The following HAT1 variants were observed in gnomAD, a reference collection of about 807,000 sequenced individuals.
HAT1 encodes the protein histone acetyltransferase 1, also known as histone acetyltransferase type B catalytic subunit.
Under a neutral mutation model 56.6 loss-of-function variants are expected in HAT1, and 20 were observed. The observed-to-expected ratio is 0.35, with a 90% confidence interval of 0.25 to 0.51. HAT1 has a LOEUF of 0.51. HAT1 is among the 20% of genes least tolerant of loss of function. The pLI is 0.95. For missense variants in HAT1, 408 were observed against 504.3 expected, an observed-to-expected ratio of 0.81 and a Z score of 1.83; for synonymous variants, 146 against 165.5, an observed-to-expected ratio of 0.88 and a Z score of 0.91.
intron 2 of HAT1, among the ~76,000 whole-genome samples, chr2:171,942,224 C>T (rs1026033673): frequency 6.6e-5 from 10 of 152,008 alleles, no homozygotes; most frequent in African/African-American, 2.2e-4. Context: ...GTTTTTAGTG[C>T]TTATTTTGAA....
intron 8 of HAT1, among the ~76,000 whole-genome samples, chr2:171,972,455 G>T (rs1379280978): frequency 1.3e-5 from 2 of 152,068 alleles, no homozygotes; most frequent in Non-Finnish European, 2.9e-5. Context: ...TGTAGAGATG[G>T]GGTCTCACTA....
At chr2:171,930,668 A>G (rs1236593164) in intron 2 of HAT1, among the ~76,000 whole-genome samples, 1 of 152,156 alleles carries the variant, frequency 6.6e-6, no homozygotes, top group Non-Finnish European at 1.5e-5. Flanking sequence ...AGGCTGGAGT[A>G]GAGTGGCGTG....
At chr2:171,968,412 C>T (rs1224894876) in intron 8 of HAT1, among the ~76,000 whole-genome samples, 1 of 152,070 alleles carries the variant, frequency 6.6e-6, no homozygotes, top group African/African-American at 2.4e-5. Flanking sequence ...GGGTAATGTG[C>T]CAGCAGGGGT....
chr2:171,940,131 C>T (rs1043443481), intron 2 of HAT1, among the ~76,000 whole-genome samples: 5 of 152,194 alleles, frequency 3.3e-5, no homozygotes, highest in South Asian at 2.1e-4. Flanking sequence ...GCAGCCACTT[C>T]GTCCATGCAT....
intron 2 of HAT1, among the ~76,000 whole-genome samples, chr2:171,932,800 T>C (rs1022496690): frequency 2.0e-5 from 3 of 151,978 alleles, no homozygotes; most frequent in African/African-American, 7.2e-5. Context: ...GCCGGAGAGG[T>C]GGAGGTTACA....
intron 1 of HAT1, chr2:171,922,898 G>C (rs1558958646): frequency 1.9e-5 from 4 of 205,218 alleles, no homozygotes; most frequent in South Asian, 1.9e-4. Context: ...TGATTTTAAT[G>C]CTCAGATCCT....
intron 2 of HAT1, among the ~76,000 whole-genome samples, chr2:171,938,260 A>G (rs1686927211): frequency 6.6e-6 from 1 of 152,080 alleles, no homozygotes; most frequent in Non-Finnish European, 1.5e-5. Context: ...CAGTAAATAT[A>G]TTCAAAAGGA....
intron 2 of HAT1, among the ~76,000 whole-genome samples, chr2:171,938,577 G>A (rs192671362): frequency 5.9e-4 from 90 of 152,256 alleles, no homozygotes; most frequent in South Asian, 1.4e-3. Flanking sequence ...CTTATGTCCA[G>A]TCTACTCTGT....
intron 2 of HAT1, among the ~76,000 whole-genome samples, chr2:171,928,803 C>G (rs373461568): frequency 3.3e-5 from 5 of 152,142 alleles, no homozygotes; most frequent in African/African-American, 1.2e-4. Flanking sequence ...CCACCGTGCC[C>G]GGCAGTTCAT....
At chr2:171,983,039 CAA>C (rs902277011) in intron 10 of HAT1, 144 bp from the exon 11 acceptor site, 2 of 502,916 alleles carry the variant, frequency 4.0e-6, no homozygotes, top group Non-Finnish European at 7.0e-6. Context: ...CCTTAAAAAA[CAA>C]AACAAAACAA....
chr2:171,942,623 T>C (rs1394598093), intron 2 of HAT1, among the ~76,000 whole-genome samples: 1 of 152,178 alleles, frequency 6.6e-6, no homozygotes, highest in Non-Finnish European at 1.5e-5. Flanking sequence ...ACCTGCCTTA[T>C]AAAGACTTGA....
chr2:171,945,664 T>G (rs755693830), intron 2 of HAT1, among the ~76,000 whole-genome samples: 3 of 151,630 alleles, frequency 2.0e-5, no homozygotes, highest in Non-Finnish European at 4.4e-5. Flanking sequence ...TAGCCAATTA[T>G]TTATTTATTT....
intron 4 of HAT1, among the ~76,000 whole-genome samples, chr2:171,953,527 G>A (rs1687363508): frequency 6.7e-6 from 1 of 149,284 alleles, no homozygotes; most frequent in African/African-American, 2.5e-5. Context: ...GGGAGGCTGA[G>A]GTGGGAGGAT....
rs868199035 is a variant in HAT1 at position 171,947,582 on chromosome 2, T to A, written c.188+799T>A. Among the ~76,000 whole-genome samples the A allele has an allele frequency of 5.3e-5, 8 of 152,256 alleles. 1 individual carries two copies. In the South Asian group the frequency reaches 1.5e-3, roughly 28 times the overall value. Reference sequence around the variant, plus strand: ...GAAGTTTATTTTTTAGAAGGAACTTTAAATATATGTCCCAGGCCAGGCGCA... The same window carrying A: ...GAAGTTTATTTTTTAGAAGGAACTTAAAATATATGTCCCAGGCCAGGCGCA... On this transcript the variant is annotated intron_variant, in intron 3 of 10. Coordinates refer to ENST00000264108, the MANE Select transcript of HAT1 (RefSeq NM_003642.4).
Position 171,922,606 on chromosome 2 carries a change from T to C in HAT1, c.7+99T>C, listed in dbSNP as rs994024163. On this transcript the variant is annotated intron_variant, in intron 1 of 10. Transcript: ENST00000264108. ...CAATGCCCGCCTAGAACTTTCGGGC[T>C]GTAGCCTGGGTTCCAGAAGGCCTGC... 7 of 1,050,924 alleles carry C rather than the reference T, an allele frequency of 6.7e-6. No homozygotes were observed. The African/African-American group carries it at 1.1e-4, about 17-fold the overall frequency. 65.1% of individuals were successfully genotyped at this position (1,050,924 alleles called of 1,614,324 possible). A position where few individuals can be genotyped will look rare whatever the true frequency, so the allele number is the denominator to read the frequency against.
chr2:171,962,205 A>G (rs1447854511), intron 4 of HAT1, among the ~76,000 whole-genome samples: 1 of 152,240 alleles, frequency 6.6e-6, no homozygotes, highest in African/African-American at 2.4e-5. Flanking sequence ...CATGTGTAAT[A>G]AAGTACAGAA....
At chr2:171,954,873 G>T (rs1687401578) in intron 4 of HAT1, among the ~76,000 whole-genome samples, 1 of 152,170 alleles carries the variant, frequency 6.6e-6, no homozygotes, top group Admixed American at 6.5e-5. Flanking sequence ...GTAATGACAT[G>T]TATCCTAATG....
At chr2:171,951,680 C>G (rs200583885) in intron 3 of HAT1, among the ~76,000 whole-genome samples, 3 of 150,128 alleles carry the variant, frequency 2.0e-5, no homozygotes, top group East Asian at 1.9e-4. Context: ...GATCCCCCCC[C>G]GCCTCAGCAT....
rs1308229201 is a variant in HAT1 at position 171,979,232 on chromosome 2, T to A, written c.976-15T>A. On this transcript the variant is annotated splice_polypyrimidine_tract_variant and intron_variant, in intron 9 of 10. Transcript: ENST00000264108. ...TACTTTGAAAATGTTCGCATTTTCTTTTGTTTCATTCTAGCAACACGCTAG... is the reference window on the plus strand; with the variant it reads ...TACTTTGAAAATGTTCGCATTTTCTATTGTTTCATTCTAGCAACACGCTAG... 3 of 1,238,652 alleles carry A rather than the reference T, an allele frequency of 2.4e-6. No homozygotes were observed. The highest frequency in any genetic ancestry group is 3.5e-6 in the Non-Finnish European group (3 of 866,334). 76.7% of individuals were successfully genotyped at this position (1,238,652 alleles called of 1,614,324 possible).
Sources: allele counts gnomAD v4.1 joint callset (sites outside exome capture counted in the v4.1 genomes callset), GRCh38; gene constraint gnomAD v4.1.1; transcripts MANE v1.5; gene names NCBI Gene and HGNC (gene_info 2026-07-23, HGNC 2026-07-21).